Variants in GPR158 observed in about 807,000 individuals in gnomAD.
GPR158 encodes metabotropic glycine receptor.
Under a neutral mutation model 78.2 loss-of-function variants are expected in GPR158, and 30 were observed. The ratio of observed to expected loss-of-function variants is 0.38; its 90% CI spans 0.29 to 0.52. GPR158 has a LOEUF of 0.52. Ranked by LOEUF, GPR158 falls within the 20% of genes least tolerant of loss-of-function variation. GPR158 has a pLI of 0.83. For synonymous variants in GPR158, 581 were observed against 591.1 expected, an observed-to-expected ratio of 0.98 and a Z score of 0.25; for missense variants, 1,463 against 1,523.5, an observed-to-expected ratio of 0.96 and a Z score of 0.66.
intron 1 of GPR158, among the ~76,000 whole-genome samples, chr10:25,201,341 G>A (rs936422318): frequency 2.6e-5 from 4 of 152,050 alleles, no homozygotes; most frequent in Admixed American, 2.6e-4. Flanking sequence ...AGGTTTTTGT[G>A]CATTGATTTT....
At chr10:25,273,319 A>G (rs1177347316) in intron 2 of GPR158, among the ~76,000 whole-genome samples, 1 of 152,060 alleles carries the variant, frequency 6.6e-6, no homozygotes, top group Non-Finnish European at 1.5e-5. Context: ...CTTTTACCCA[A>G]GGAGAAGAAG....
At chr10:25,428,669 C>T (rs1834854824) in intron 4 of GPR158, among the ~76,000 whole-genome samples, 1 of 151,974 alleles carries the variant, frequency 6.6e-6, no homozygotes, top group Non-Finnish European at 1.5e-5. Flanking sequence ...GATTTCCGGA[C>T]CATTTCAAGA....
At chr10:25,570,182 CTCT>C (rs1429154047) in intron 6 of GPR158, among the ~76,000 whole-genome samples, 24 of 152,176 alleles carry the variant, frequency 1.6e-4, no homozygotes, top group Admixed American at 1.6e-3. Context: ...CAAGAAATTT[CTCT>C]TATTTCTAAG....
chr10:25,258,254 C>G (rs189525230), intron 2 of GPR158, among the ~76,000 whole-genome samples: 1 of 152,286 alleles, frequency 6.6e-6, no homozygotes, highest in East Asian at 1.9e-4. Context: ...TTCTCTCATT[C>G]ACTTATTCAT....
intron 7 of GPR158, among the ~76,000 whole-genome samples, chr10:25,576,208 C>A (rs1394915978): frequency 1.3e-5 from 2 of 152,082 alleles, no homozygotes; most frequent in African/African-American, 4.8e-5. Flanking sequence ...ATCCCCTAAC[C>A]CCTTCTGAGT....
intron 4 of GPR158, among the ~76,000 whole-genome samples, chr10:25,465,763 G>T (rs1207465785): frequency 6.6e-6 from 1 of 152,162 alleles, no homozygotes; most frequent in Non-Finnish European, 1.5e-5. Flanking sequence ...CTATCCCACA[G>T]GTATTTGTGA....
intron 1 of GPR158, among the ~76,000 whole-genome samples, chr10:25,212,625 AGC>A (rs1853148286): frequency 8.7e-6 from 1 of 114,482 alleles, no homozygotes. Flanking sequence ...GAGAATTTAT[AGC>A]TTTTTTTTTT....
At position 25,175,684 on chromosome 10, in the gene GPR158, C is replaced by T; in HGVS notation, c.264C>T (p.Thr88=). ...TGGACGTGGCCTCTTACCTCTACAC[C>T]GGGGACTCCCACCAGCTGAAGCGAG... ...VPMDVASYLY[T]GDSHQLKRAN... is the part of the protein sequence containing the mutation. The change falls in exon 1 of 11, where the codon ACC becomes ACT. Residue 88 remains threonine (T), a synonymous_variant. Transcript: ENST00000376351. The surrounding 1 kb of genome is among the most constrained non-coding windows in gnomAD (Gnocchi z 6.4). 2 of 1,611,700 alleles carry T rather than the reference C, an allele frequency of 1.2e-6. No homozygotes were observed. The highest frequency in any genetic ancestry group is 1.7e-6 in the Non-Finnish European group (2 of 1,179,944).
chr10:25,347,720 T>C (rs1855392191), intron 2 of GPR158, among the ~76,000 whole-genome samples: 3 of 152,052 alleles, frequency 2.0e-5, no homozygotes. Flanking sequence ...ATTTTCCCAA[T>C]ATTTTAATGT....
intron 3 of GPR158, among the ~76,000 whole-genome samples, chr10:25,411,710 C>A (rs961326145): frequency 6.6e-6 from 1 of 151,788 alleles, no homozygotes; most frequent in Admixed American, 6.6e-5. Context: ...CAGAGATGGG[C>A]GGATCACAAG....
chr10:25,462,127 A>G (rs1355154006), intron 4 of GPR158, among the ~76,000 whole-genome samples: 1 of 152,170 alleles, frequency 6.6e-6, no homozygotes, highest in African/African-American at 2.4e-5. Context: ...GGCAAATGCA[A>G]CTAGTGACTT....
chr10:25,549,455 G>A (rs1456179376), intron 5 of GPR158, among the ~76,000 whole-genome samples: 1 of 149,974 alleles, frequency 6.7e-6, no homozygotes, highest in Non-Finnish European at 1.5e-5. Context: ...GTAAAAACAG[G>A]TTTTTACTTT....
intron 6 of GPR158, among the ~76,000 whole-genome samples, chr10:25,551,680 G>A (rs887867902): frequency 6.6e-6 from 1 of 152,122 alleles, no homozygotes; most frequent in African/African-American, 2.4e-5. Context: ...GCAACAAAAT[G>A]AACTACCTAT....
intron 2 of GPR158, among the ~76,000 whole-genome samples, chr10:25,365,005 G>T (rs148058752): frequency 6.6e-6 from 1 of 151,636 alleles, no homozygotes; most frequent in African/African-American, 2.4e-5. Context: ...CATTTCAACT[G>T]TCTATGTAAA....
intron 1 of GPR158, among the ~76,000 whole-genome samples, chr10:25,195,657 G>A (rs1852834090): frequency 6.6e-6 from 1 of 152,122 alleles, no homozygotes; most frequent in Non-Finnish European, 1.5e-5. Context: ...TGACCTTTTG[G>A]ATTAGTTCAA....
intron 2 of GPR158, among the ~76,000 whole-genome samples, chr10:25,310,165 C>T (rs781097104): frequency 2.0e-5 from 3 of 152,212 alleles, no homozygotes; most frequent in Non-Finnish European, 4.4e-5. Flanking sequence ...CTGTCCTTTC[C>T]CTGTTGAGTA....
At chr10:25,279,625 A>T (rs1370131630) in intron 2 of GPR158, among the ~76,000 whole-genome samples, 3 of 152,162 alleles carry the variant, frequency 2.0e-5, no homozygotes, top group Non-Finnish European at 2.9e-5. Flanking sequence ...ATGTTTTATG[A>T]CTTGAGTTTA....
At chr10:25,471,148 C>T (rs1243517991) in intron 5 of GPR158, among the ~76,000 whole-genome samples, 1 of 148,932 alleles carries the variant, frequency 6.7e-6, no homozygotes, top group Non-Finnish European at 1.5e-5. Context: ...GTGATGTTCC[C>T]TCCCCTGTGT....
intron 8 of GPR158, 48 bp from the exon 9 acceptor site, chr10:25,594,244 A>C: frequency 1.1e-6 from 1 of 928,858 alleles, no homozygotes; most frequent in East Asian, 2.4e-5. Flanking sequence ...TAGTGTTCTA[A>C]GTAGAATCTT....
Sources: allele counts gnomAD v4.1 joint callset (sites outside exome capture counted in the v4.1 genomes callset), GRCh38; gene constraint gnomAD v4.1.1; non-coding constraint Gnocchi (gnomAD v3.1); transcripts MANE v1.5; gene names NCBI Gene and HGNC (gene_info 2026-07-23, HGNC 2026-07-21).